ERBB4: variants seen among roughly 807,000 people sequenced by gnomAD.
The protein encoded by ERBB4 is erb-b2 receptor tyrosine kinase 4.
In ERBB4, 42 loss-of-function variants were observed where a neutral mutation model predicts 158.0. The ratio of observed to expected loss-of-function variants is 0.27; its 90% CI spans 0.21 to 0.34. The LOEUF (loss-of-function observed/expected upper bound fraction) is 0.34. ERBB4 is among the 10% of genes least tolerant of loss of function. ERBB4 has a pLI of 1.00. For missense variants in ERBB4, 1,333 were observed against 1,624.1 expected (o/e 0.82, Z 3.08); for synonymous variants, 583 against 558.7 (o/e 1.04, Z -0.61).
At chr2:211,529,542 C>T (rs1199147418) in intron 20 of ERBB4, among the ~76,000 whole-genome samples, 4 of 151,856 alleles carry the variant, frequency 2.6e-5, no homozygotes, top group East Asian at 3.9e-4. Context: ...ACAGACACAT[C>T]GAAAAAGAAA....
chr2:211,768,453 C>T (rs922047410), intron 4 of ERBB4, among the ~76,000 whole-genome samples: 4 of 152,200 alleles, frequency 2.6e-5, no homozygotes, highest in Admixed American at 1.3e-4. Flanking sequence ...TTTGCCCTTC[C>T]GTACTGCCCT....
chr2:211,801,442 A>G (rs1370515690), intron 3 of ERBB4, among the ~76,000 whole-genome samples: 2 of 152,112 alleles, frequency 1.3e-5, no homozygotes, highest in African/African-American at 4.8e-5. Context: ...AGACATGCCT[A>G]TTAGCTAACT....
intron 1 of ERBB4, among the ~76,000 whole-genome samples, chr2:212,286,767 A>ATTTTTGTTTTTTTTTTTTTTTT (rs2085995199): frequency 2.5e-5 from 1 of 39,562 alleles, no homozygotes; most frequent in Non-Finnish European, 4.2e-5. Flanking sequence ...ATGAGGGTTA[A>ATTTTTGTTTTTTTTTTTTTTTT]TTTTTTTTTT....
intron 1 of ERBB4, among the ~76,000 whole-genome samples, chr2:212,481,924 T>A (rs571893940): frequency 6.6e-6 from 1 of 152,234 alleles, no homozygotes; most frequent in Non-Finnish European, 1.5e-5. Context: ...TAGAGAGTTA[T>A]TGCTTTTAAG....
chr2:211,839,838 A>C (rs910014810), intron 3 of ERBB4, among the ~76,000 whole-genome samples: 2 of 152,148 alleles, frequency 1.3e-5, no homozygotes, highest in Non-Finnish European at 2.9e-5. Flanking sequence ...TCCTATGTAC[A>C]AAAAGACCTA....
chr2:211,513,816 T>TA (rs1469893138), intron 20 of ERBB4, among the ~76,000 whole-genome samples: 1 of 152,010 alleles, frequency 6.6e-6, no homozygotes, highest in African/African-American at 2.4e-5. Flanking sequence ...GGATAATAGC[T>TA]AAGGTTTCTT....
At chr2:212,015,105 T>A (rs1422072603) in intron 2 of ERBB4, among the ~76,000 whole-genome samples, 10 of 82,590 alleles carry the variant, frequency 1.2e-4, no homozygotes, top group East Asian at 8.4e-4. Flanking sequence ...TATATATATA[T>A]ATATATAAAA....
intron 3 of ERBB4, among the ~76,000 whole-genome samples, chr2:211,912,909 G>C (rs764608561): frequency 2.0e-5 from 3 of 152,270 alleles, no homozygotes; most frequent in Middle Eastern, 3.4e-3. Flanking sequence ...ATATAGCACA[G>C]CCACTTTTGA....
chr2:212,028,982 A>G (rs763594079), intron 2 of ERBB4, among the ~76,000 whole-genome samples: 1 of 152,014 alleles, frequency 6.6e-6, no homozygotes, highest in African/African-American at 2.4e-5. Context: ...CCGGGGTGGA[A>G]GCAGATTTCC....
intron 1 of ERBB4, among the ~76,000 whole-genome samples, chr2:212,287,244 A>G (rs1280855473): frequency 2.0e-5 from 3 of 151,956 alleles, no homozygotes; most frequent in Non-Finnish European, 2.9e-5. Context: ...TTCTCCCCCT[A>G]CAACTGTCTT....
intron 1 of ERBB4, among the ~76,000 whole-genome samples, chr2:212,169,018 C>T (rs940495327): frequency 3.3e-5 from 5 of 152,090 alleles, no homozygotes; most frequent in South Asian, 2.1e-4. Context: ...AATTCTGATG[C>T]TATTCAGTGA....
intron 2 of ERBB4, among the ~76,000 whole-genome samples, chr2:212,096,282 T>G (rs1465640542): frequency 2.3e-5 from 3 of 130,426 alleles, no homozygotes; most frequent in African/African-American, 7.3e-5. Flanking sequence ...AGAACTTTAG[T>G]AGATTGATAA....
At chr2:212,095,859 T>C (rs979966548) in intron 2 of ERBB4, among the ~76,000 whole-genome samples, 2 of 144,322 alleles carry the variant, frequency 1.4e-5, no homozygotes. Flanking sequence ...GGCGTAAACC[T>C]GGGAGGCGGA....
chr2:211,767,812 C>A (rs755641651), intron 4 of ERBB4, among the ~76,000 whole-genome samples: 1 of 152,124 alleles, frequency 6.6e-6, no homozygotes, highest in Non-Finnish European at 1.5e-5. Context: ...CAATTCAAGA[C>A]GAGATTTGGG....
chr2:211,678,216 A>G (rs909416252), intron 13 of ERBB4, among the ~76,000 whole-genome samples: 1 of 151,952 alleles, frequency 6.6e-6, no homozygotes, highest in South Asian at 2.1e-4. Context: ...TAGTTTTTCT[A>G]TTGGGCTAAG....
At position 211,643,510 on chromosome 2, in the gene ERBB4, C is replaced by A. The variant is rs374824513; in HGVS notation, c.1947-12916G>T. Among the ~76,000 whole-genome samples the A allele has an allele frequency of 1.6e-3, 238 of 152,152 alleles. 1 individual carries two copies. The highest frequency in any genetic ancestry group is 5.5e-3 in the African/African-American group (229 of 41,536). Reference sequence around the variant, plus strand: ...CAAGGAAGATACTAACTGAAAAGTTCGTATGAAAAGTGACTATGTCCAAAT... The same window carrying A: ...CAAGGAAGATACTAACTGAAAAGTTAGTATGAAAAGTGACTATGTCCAAAT... On this transcript the variant is annotated intron_variant, in intron 16 of 27. Transcript: ENST00000342788.
At chr2:211,592,498 C>T (rs1368833106) in intron 19 of ERBB4, among the ~76,000 whole-genome samples, 3 of 152,076 alleles carry the variant, frequency 2.0e-5, no homozygotes, top group Non-Finnish European at 2.9e-5. Context: ...TATTGTAAAG[C>T]GTAATGTCTG....
At chr2:212,262,000 C>T (rs1435093903) in intron 1 of ERBB4, among the ~76,000 whole-genome samples, 1 of 151,948 alleles carries the variant, frequency 6.6e-6, no homozygotes, top group Non-Finnish European at 1.5e-5. Context: ...TTCTATAAAT[C>T]CAACAAATAC....
chr2:212,302,328 A>G (rs1230282220), intron 1 of ERBB4, among the ~76,000 whole-genome samples: 1 of 151,490 alleles, frequency 6.6e-6, no homozygotes, highest in East Asian at 1.9e-4. Context: ...TATTTAATAC[A>G]AATGTTTAAT....
Sources: allele counts gnomAD v4.1 joint callset (sites outside exome capture counted in the v4.1 genomes callset), GRCh38; gene constraint gnomAD v4.1.1; transcripts MANE v1.5; gene names NCBI Gene and HGNC (gene_info 2026-07-23, HGNC 2026-07-21).